The following PSMD11 variants were observed in gnomAD, a reference collection of about 807,000 sequenced individuals.
PSMD11 encodes 26S proteasome non-ATPase regulatory subunit 11.
Under a neutral mutation model 62.3 loss-of-function variants are expected in PSMD11, and 5 were observed. The ratio of observed to expected loss-of-function variants is 0.08; its 90% CI spans 0.04 to 0.17. PSMD11 has a LOEUF of 0.17. Ranked by LOEUF, PSMD11 falls within the 10% of genes least tolerant of loss-of-function variation. The pLI is 1.00. For synonymous variants in PSMD11, 191 were observed against 191.8 expected (o/e 1.00, Z 0.03); for missense variants, 310 against 512.9 (o/e 0.60, Z 3.82).
At chr17:32,464,866 T>C (rs1340941805) in intron 5 of PSMD11, among the ~76,000 whole-genome samples, 1 of 152,224 alleles carries the variant, frequency 6.6e-6, no homozygotes, top group Non-Finnish European at 1.5e-5. Flanking sequence ...TTAAAAAAAG[T>C]GTATCTATAT....
chr17:32,481,570 CCT>C lies in PSMD11; in HGVS notation c.*822_*823del, dbSNP rs1908495754. ...TCAGTGTTTTAATTGCCCCTCTTCTCCTCTCCTGCATTCCTCTCCTCTCTTCT... is the reference window on the plus strand; with the variant it reads ...TCAGTGTTTTAATTGCCCCTCTTCTCCTCCTGCATTCCTCTCCTCTCTTCT... On this transcript the variant is annotated 3_prime_UTR_variant, in exon 14 of 14. Coordinates refer to ENST00000261712, the MANE Select transcript of PSMD11 (RefSeq NM_002815.4). 1 of 151,812 alleles carries C rather than the reference CCT, an allele frequency of 6.6e-6. No homozygotes were observed. Among genetic ancestry groups the C allele is most frequent in the Non-Finnish European group, 1.5e-5 (1 of 68,012 alleles). The allele number at this position is 151,812 out of a possible 1,614,324, so 9.4% of individuals were successfully genotyped here.
Position 32,468,984 on chromosome 17 carries a change from C to A in PSMD11, c.449-15C>A. On this transcript the variant is annotated splice_polypyrimidine_tract_variant and intron_variant, in intron 5 of 13. Coordinates refer to ENST00000261712, the MANE Select transcript of PSMD11 (RefSeq NM_002815.4). ...AGCTGATGGCTATAAAGGAGAATGTCTTTTCCTTTTTCAGGTTCTCAGCTG... is the reference window on the plus strand; with the variant it reads ...AGCTGATGGCTATAAAGGAGAATGTATTTTCCTTTTTCAGGTTCTCAGCTG... 6.2e-7 allele frequency: 1 copy of A among 1,609,166 alleles called. No homozygotes were observed. The highest frequency in any genetic ancestry group is 8.5e-7 in the Non-Finnish European group (1 of 1,177,658).
chr17:32,464,444 T>G (rs1907932311), intron 4 of PSMD11, 77 bp from the exon 5 acceptor site: 1 of 1,207,928 alleles, frequency 8.3e-7, no homozygotes, highest in Admixed American at 2.0e-5. Flanking sequence ...ACAGTAACAG[T>G]TCTGTGACTG....
intron 6 of PSMD11, among the ~76,000 whole-genome samples, chr17:32,471,343 G>A (rs1253356031): frequency 6.6e-6 from 1 of 152,136 alleles, no homozygotes; most frequent in Non-Finnish European, 1.5e-5. Context: ...GTCAACTATG[G>A]TATATCAGTC....
At position 32,457,816 on chromosome 17, in the gene PSMD11, C is replaced by T. The variant is rs1228495681; in HGVS notation, c.318+3197C>T. Among the ~76,000 whole-genome samples, 5 of 148,460 alleles carry T rather than the reference C, an allele frequency of 3.4e-5. No homozygotes were observed. In the South Asian group the frequency reaches 1.1e-3, roughly 32 times the overall value. ...CTCTCTCTCTCTTTTTTTTTTTTTC[C>T]CCGAGATGGAGTCTTGCTCTGTCAC... On this transcript the variant is annotated intron_variant, in intron 3 of 13. Transcript: ENST00000261712.
At chr17:32,465,012 T>C (rs975704609) in intron 5 of PSMD11, among the ~76,000 whole-genome samples, 1 of 151,970 alleles carries the variant, frequency 6.6e-6, no homozygotes, top group Non-Finnish European at 1.5e-5. Flanking sequence ...GGTACAAATA[T>C]ATTTGGAAGC....
In PSMD11 at chr17:32,454,549, C is replaced by T. The variant is rs1171919332; in HGVS notation, c.248C>T (p.Ala83Val). 3.1e-6 allele frequency: 5 copies of T among 1,614,026 alleles called. No individual in the cohort carries two copies. Among genetic ancestry groups the T allele is most frequent in the Non-Finnish European group, 4.2e-6 (5 of 1,179,904 alleles). The stretch of plus-strand genomic sequence containing the variant: ...CCCTTCTTGAATTCCATCAGCAAGG[C>T]TAAAGCAGCTCGCCTGGTCCGATCT... ...VRPFLNSISK[A>V]KAARLVRSLL... Residue 83 changes from alanine (A) to valine (V), a missense_variant, in exon 3 of 14, where the codon GCT becomes GTT. By Grantham distance (64) the Ala-to-Val change is moderately conservative. Coordinates refer to ENST00000261712, the MANE Select transcript of PSMD11 (RefSeq NM_002815.4).
At chr17:32,454,447 T>C (rs1907592549) in intron 2 of PSMD11, 48 bp from the exon 3 acceptor site, 3 of 1,601,708 alleles carry the variant, frequency 1.9e-6, no homozygotes, top group East Asian at 2.2e-5. Context: ...GGGTATTTTG[T>C]CTCAAATGTT....
Position 32,479,280 on chromosome 17 carries a change from G to A in PSMD11, c.942G>A (p.Arg314=). The A allele has an allele frequency of 1.9e-6, 3 of 1,614,128 alleles. No individual in the cohort carries two copies. The highest frequency in any genetic ancestry group is 2.5e-6 in the Non-Finnish European group (3 of 1,179,996). ...TGACAGATTACCGGGCAGAGCTCCG[G>A]GATGACCCAATCATCAGCACACACT... ...KALTDYRAEL[R]DDPIISTHLA... Residue 314 remains arginine (R), a synonymous_variant, in exon 10 of 14, where the codon CGG becomes CGA. Coordinates refer to ENST00000261712, the MANE Select transcript of PSMD11 (RefSeq NM_002815.4).
intron 8 of PSMD11, among the ~76,000 whole-genome samples, chr17:32,475,999 C>G (rs1051503828): frequency 7.9e-5 from 12 of 152,044 alleles, no homozygotes; most frequent in Admixed American, 4.6e-4. Flanking sequence ...CGTGGTGGCT[C>G]ATGCCTGTAA....
At chr17:32,451,438 ATAGTTT>A (rs1250549869) in intron 2 of PSMD11, among the ~76,000 whole-genome samples, 3 of 152,238 alleles carry the variant, frequency 2.0e-5, no homozygotes, top group Admixed American at 6.5e-5. Context: ...TATCAAAAAA[ATAGTTT>A]TAGCAGATAT....
intron 5 of PSMD11, 151 bp from the exon 6 acceptor site, chr17:32,468,848 T>G: frequency 1.7e-6 from 1 of 585,718 alleles, no homozygotes; most frequent in Non-Finnish European, 2.6e-6. Context: ...TAGTGGAAAA[T>G]TTAATTATTG....
At chr17:32,456,240 A>G (rs1907646733) in intron 3 of PSMD11, among the ~76,000 whole-genome samples, 1 of 152,192 alleles carries the variant, frequency 6.6e-6, no homozygotes, top group Non-Finnish European at 1.5e-5. Flanking sequence ...TTAATTTGAA[A>G]CTGACTGATA....
Position 32,473,956 on chromosome 17 carries a change from C to G in PSMD11, c.788+11C>G. The G allele has an allele frequency of 6.2e-7, 1 of 1,613,678 alleles. No homozygotes were observed. The highest frequency in any genetic ancestry group is 8.5e-7 in the Non-Finnish European group (1 of 1,179,818). On this transcript the variant is annotated intron_variant, in intron 7 of 13. Coordinates refer to ENST00000261712, the MANE Select transcript of PSMD11 (RefSeq NM_002815.4). ...AATCATGCTCAACACGTAGGTGCACCTTAACTCTGGACTACAAGAACTCAG... is the reference window on the plus strand; with the variant it reads ...AATCATGCTCAACACGTAGGTGCACGTTAACTCTGGACTACAAGAACTCAG...
intron 7 of PSMD11, among the ~76,000 whole-genome samples, chr17:32,474,417 C>T (rs1218747131): frequency 6.6e-6 from 1 of 152,188 alleles, no homozygotes; most frequent in Non-Finnish European, 1.5e-5. Context: ...TGACTAAGAA[C>T]TCTCTCTGGA....
intron 6 of PSMD11, among the ~76,000 whole-genome samples, chr17:32,473,115 G>A (rs552671319): frequency 3.5e-4 from 52 of 150,152 alleles, no homozygotes; most frequent in African/African-American, 1.1e-3. Flanking sequence ...CTGAGATTGC[G>A]CCATTGCACT....
chr17:32,452,267 T>C (rs377126156), intron 2 of PSMD11, among the ~76,000 whole-genome samples: 1 of 152,216 alleles, frequency 6.6e-6, no homozygotes, highest in African/African-American at 2.4e-5. Context: ...AGGAATGATA[T>C]AGACTGTATA....
intron 3 of PSMD11, among the ~76,000 whole-genome samples, chr17:32,457,801 CT>C (rs11402492): frequency 2.3e-3 from 327 of 143,760 alleles, no homozygotes; most frequent in Admixed American, 2.9e-3. Flanking sequence ...CTCTCTCTCT[CT>C]TTTTTTTTTT....
intron 1 of PSMD11, among the ~76,000 whole-genome samples, chr17:32,446,265 A>G (rs543804836): frequency 2.0e-5 from 3 of 152,348 alleles, no homozygotes; most frequent in African/African-American, 4.8e-5. Flanking sequence ...AGGCTATTCC[A>G]TGTTTGAATG....
Sources: gnomAD v4.1 joint callset for allele counts (sites outside exome capture counted in the v4.1 genomes callset) on GRCh38, gnomAD v4.1.1 for gene constraint, MANE v1.5 for transcripts, NCBI Gene and HGNC (gene_info 2026-07-23, HGNC 2026-07-21) for gene names.